PDE4D: variants seen among roughly 807,000 people sequenced by gnomAD.
PDE4D encodes 3',5'-cyclic-AMP phosphodiesterase 4D.
PDE4D carries 24 observed loss-of-function variants against 87.4 expected under a neutral mutation model. The observed-to-expected ratio is 0.27, with a 90% CI of 0.20 to 0.39. The LOEUF (loss-of-function observed/expected upper bound fraction) is 0.39, where lower values mean the gene tolerates loss of function less well. Ranked by LOEUF, PDE4D falls within the 10% of genes least tolerant of loss-of-function variation. PDE4D has a pLI of 1.00. For missense variants in PDE4D, 714 were observed against 1,041.0 expected (o/e 0.69, Z 4.32); for synonymous variants, 384 against 383.2 (o/e 1.00, Z -0.02).
At chr5:59,911,279 A>C (rs541264776) in intron 3 of PDE4D, among the ~76,000 whole-genome samples, 7 of 152,286 alleles carry the variant, frequency 4.6e-5, no homozygotes, top group Non-Finnish European at 8.8e-5. Context: ...GTAAAACCTA[A>C]GATTGGTGCT....
intron 5 of PDE4D, among the ~76,000 whole-genome samples, chr5:59,050,431 T>G (rs1761366470): frequency 6.6e-6 from 1 of 152,218 alleles, no homozygotes; most frequent in Non-Finnish European, 1.5e-5. Flanking sequence ...ATAAACTATT[T>G]TGGCCTACTG....
At chr5:60,264,680 A>C (rs1750002618) in intron 1 of PDE4D, among the ~76,000 whole-genome samples, 1 of 152,232 alleles carries the variant, frequency 6.6e-6, no homozygotes, top group African/African-American at 2.4e-5. Flanking sequence ...ATGGCACTGA[A>C]CTGGGGGTGT....
intron 1 of PDE4D, among the ~76,000 whole-genome samples, chr5:59,569,892 C>T (rs1278480666): frequency 9.2e-5 from 14 of 152,166 alleles, no homozygotes; most frequent in Admixed American, 9.2e-4. Context: ...GGGTCAAGTG[C>T]ATTCATTACC....
chr5:59,658,964 C>G (rs1365476123), intron 1 of PDE4D, among the ~76,000 whole-genome samples: 1 of 152,088 alleles, frequency 6.6e-6, no homozygotes, highest in Non-Finnish European at 1.5e-5. Flanking sequence ...GACTGCACCA[C>G]TGCACTCCAG....
chr5:58,997,097 C>T (rs1181402481), intron 6 of PDE4D, among the ~76,000 whole-genome samples: 1 of 152,052 alleles, frequency 6.6e-6, no homozygotes, highest in African/African-American at 2.4e-5. Flanking sequence ...TCTAGGAAGA[C>T]GGTCTAAGGA....
intron 1 of PDE4D, among the ~76,000 whole-genome samples, chr5:59,561,941 A>G (rs1820085510): frequency 6.6e-6 from 1 of 152,038 alleles, no homozygotes; most frequent in South Asian, 2.1e-4. Context: ...AAAAAAAAAA[A>G]AAAAAATTAA....
At chr5:60,410,982 T>C (rs1319345675) in intron 1 of PDE4D, among the ~76,000 whole-genome samples, 2 of 152,204 alleles carry the variant, frequency 1.3e-5, no homozygotes, top group African/African-American at 4.8e-5. Flanking sequence ...CGTATGAGAA[T>C]AGTGAACTAA....
At chr5:59,284,458 T>C (rs1200531643) in intron 1 of PDE4D, among the ~76,000 whole-genome samples, 1 of 152,170 alleles carries the variant, frequency 6.6e-6, no homozygotes, top group African/African-American at 2.4e-5. Context: ...CATAAATGTC[T>C]TCTTTTGAGA....
intron 1 of PDE4D, among the ~76,000 whole-genome samples, chr5:59,873,025 T>G (rs1400526152): frequency 6.6e-6 from 1 of 152,208 alleles, no homozygotes; most frequent in Non-Finnish European, 1.5e-5. Flanking sequence ...GCATTTACAT[T>G]GTGAAAGGTA....
At chr5:59,050,575 T>A (rs1454578250) in intron 5 of PDE4D, among the ~76,000 whole-genome samples, 1 of 152,240 alleles carries the variant, frequency 6.6e-6, no homozygotes, top group Non-Finnish European at 1.5e-5. Context: ...ATTAGTTTTA[T>A]AATTTTACAA....
intron 1 of PDE4D, among the ~76,000 whole-genome samples, chr5:59,406,625 T>C (rs1791715156): frequency 6.6e-6 from 1 of 152,142 alleles, no homozygotes; most frequent in African/African-American, 2.4e-5. Flanking sequence ...CCTGACCTCA[T>C]GATCTGCCTG....
intron 1 of PDE4D, among the ~76,000 whole-genome samples, chr5:60,269,978 T>C (rs1161900788): frequency 1.3e-5 from 2 of 152,160 alleles, no homozygotes; most frequent in African/African-American, 2.4e-5. Context: ...ATCTGAGAAC[T>C]TGAACCAGGG....
intron 2 of PDE4D, among the ~76,000 whole-genome samples, chr5:59,195,779 A>C (rs1385121906): frequency 1.3e-5 from 2 of 152,226 alleles, no homozygotes; most frequent in East Asian, 3.8e-4. Flanking sequence ...CCACACAGTA[A>C]ATGTTCAATA....
intron 2 of PDE4D, among the ~76,000 whole-genome samples, chr5:60,024,727 A>G (rs188593778): frequency 1.2e-4 from 18 of 152,308 alleles, no homozygotes; most frequent in Admixed American, 3.9e-4. Context: ...CGGTGGAGAT[A>G]CAAAATGAGC....
At chr5:59,889,341 C>A (rs1278054548) in intron 1 of PDE4D, among the ~76,000 whole-genome samples, 1 of 150,396 alleles carries the variant, frequency 6.6e-6, no homozygotes, top group Non-Finnish European at 1.5e-5. Flanking sequence ...TTGAGTCAGG[C>A]ATGGTGGTTC....
chr5:59,463,172 GA>G lies in PDE4D; in HGVS notation c.456-247205del, dbSNP rs1801032713. On this transcript the variant is annotated intron_variant, in intron 1 of 14. Coordinates refer to ENST00000340635, the MANE Select transcript of PDE4D (RefSeq NM_001104631.2). ...GTGTTACATAAATTGCTGACTGAGG[GA>G]AAAATATACAGTTAAAATAATAATT... Among the ~76,000 whole-genome samples the G allele has an allele frequency of 1.3e-5, 2 of 152,120 alleles. 1 individual carries two copies. Among genetic ancestry groups the G allele is most frequent in the South Asian group, 4.1e-4 (2 of 4,826 alleles).
intron 1 of PDE4D, among the ~76,000 whole-genome samples, chr5:59,245,047 G>C (rs1758568431): frequency 6.6e-6 from 1 of 151,962 alleles, no homozygotes; most frequent in South Asian, 2.1e-4. Context: ...TAATTCAATA[G>C]GAAACTACTT....
chr5:59,079,984 G>A (rs1766446632), intron 5 of PDE4D, among the ~76,000 whole-genome samples: 1 of 151,904 alleles, frequency 6.6e-6, no homozygotes, highest in African/African-American at 2.4e-5. Context: ...CATAGGCTAT[G>A]GCTTCCACTA....
chr5:59,349,413 C>A (rs1389670379), intron 1 of PDE4D, among the ~76,000 whole-genome samples: 1 of 152,088 alleles, frequency 6.6e-6, no homozygotes, highest in Non-Finnish European at 1.5e-5. Flanking sequence ...AATGCTTCCT[C>A]TTTTGTAAGA....
Sources: allele counts gnomAD v4.1 joint callset (sites outside exome capture counted in the v4.1 genomes callset), GRCh38; gene constraint gnomAD v4.1.1; transcripts MANE v1.5; gene names NCBI Gene and HGNC (gene_info 2026-07-23, HGNC 2026-07-21).